The following PCNX1 variants were observed in gnomAD, a reference collection of about 807,000 sequenced individuals.
PCNX1 encodes the protein pecanex-like protein 1.
Under a neutral mutation model 242.2 loss-of-function variants are expected in PCNX1, and 78 were observed. The ratio of observed to expected loss-of-function variants is 0.32; its 90% CI spans 0.27 to 0.39. The LOEUF is 0.39. Ranked by LOEUF, PCNX1 falls within the 10% of genes least tolerant of loss-of-function variation. PCNX1 has a pLI of 1.00. For synonymous variants in PCNX1, 1,024 were observed against 1,032.9 expected (o/e 0.99, Z 0.17); for missense variants, 2,581 against 2,856.5 (o/e 0.90, Z 2.20).
intron 2 of PCNX1, among the ~76,000 whole-genome samples, chr14:70,948,860 C>CAT (rs1252208615): frequency 6.9e-6 from 1 of 145,632 alleles, no homozygotes; most frequent in Non-Finnish European, 1.5e-5. Context: ...TGTATATATA[C>CAT]ACATATGTAT....
intron 1 of PCNX1, among the ~76,000 whole-genome samples, chr14:70,939,294 C>T (rs2057137168): frequency 6.6e-6 from 1 of 152,212 alleles, no homozygotes; most frequent in Non-Finnish European, 1.5e-5. Flanking sequence ...CCTCTACACA[C>T]TGCTTTAAAT....
chr14:71,075,344 TG>T (rs1224479751), intron 27 of PCNX1, among the ~76,000 whole-genome samples: 1 of 152,102 alleles, frequency 6.6e-6, no homozygotes, highest in Non-Finnish European at 1.5e-5. Flanking sequence ...ATTTGCTGAT[TG>T]GGATGAACGC....
At chr14:71,054,905 G>T (rs1262049464) in intron 24 of PCNX1, among the ~76,000 whole-genome samples, 1 of 152,132 alleles carries the variant, frequency 6.6e-6, no homozygotes, top group Non-Finnish European at 1.5e-5. Flanking sequence ...GGCAGCGAAG[G>T]GTAGAACAGT....
chr14:71,004,953 G>A (rs372916263), intron 8 of PCNX1, among the ~76,000 whole-genome samples: 1 of 151,914 alleles, frequency 6.6e-6, no homozygotes, highest in African/African-American at 2.4e-5. Context: ...TGTTTTTATA[G>A]CCCCTCTCTG....
chr14:71,102,200 C>T lies in PCNX1; in HGVS notation c.5800C>T (p.Leu1934=). ...YKIIMLNRRY[L]SFRVIKVNKE... is the part of the protein sequence containing the mutation. ...AATCATCATGCTCAACAGACGCTACCTGAGCTTCAGGGTCATTAAAGTAAG... is the reference window on the plus strand; with the variant it reads ...AATCATCATGCTCAACAGACGCTACTTGAGCTTCAGGGTCATTAAAGTAAG... Residue 1934 remains leucine, a synonymous_variant, in exon 31 of 36, where the codon CTG becomes TTG. Coordinates refer to ENST00000304743, the MANE Select transcript of PCNX1 (RefSeq NM_014982.3). 1 of 1,611,264 alleles carries T rather than the reference C, an allele frequency of 6.2e-7. No individual in the cohort carries two copies.
At chr14:70,958,849 A>C (rs1368579476) in intron 2 of PCNX1, among the ~76,000 whole-genome samples, 18 of 145,968 alleles carry the variant, frequency 1.2e-4, no homozygotes, top group Admixed American at 1.2e-3. Flanking sequence ...TTACCCAAAA[A>C]CCTATGAGAG....
intron 1 of PCNX1, among the ~76,000 whole-genome samples, chr14:70,921,866 G>T (rs1210547205): frequency 6.6e-6 from 1 of 152,072 alleles, no homozygotes; most frequent in African/African-American, 2.4e-5. Flanking sequence ...CAAACATTAT[G>T]ACACATCACC....
rs758411631 is a variant in PCNX1 at position 70,978,146 on chromosome 14, T to TTTTA, written c.1809_1810insTTTA (p.Asp604PhefsTer5). The TTTTA allele has an allele frequency of 6.2e-7, 1 of 1,614,168 alleles. No homozygotes were observed. Among genetic ancestry groups the TTTTA allele is most frequent in the Admixed American group, 1.7e-5 (1 of 60,024 alleles). ...TATTTTGTCATGACGAAGACTCTAG[T>TTTTA]GATCAGAGTGACTTGAGTAGAGCAT... On this transcript the variant is annotated frameshift_variant, in exon 6 of 36. Transcript: ENST00000304743. LOFTEE classifies it high-confidence loss of function.
chr14:71,080,798 G>C (rs192764638), intron 28 of PCNX1, among the ~76,000 whole-genome samples: 2 of 152,086 alleles, frequency 1.3e-5, no homozygotes, highest in African/African-American at 4.8e-5. Flanking sequence ...TAAATATACA[G>C]TCATGTCATC....
At chr14:70,946,664 C>A (rs2057468464) in intron 1 of PCNX1, among the ~76,000 whole-genome samples, 1 of 152,148 alleles carries the variant, frequency 6.6e-6, no homozygotes, top group South Asian at 2.1e-4. Flanking sequence ...TATATTGAAT[C>A]TTTGAAATGC....
chr14:71,003,812 C>A (rs551082708), intron 8 of PCNX1, among the ~76,000 whole-genome samples: 1 of 152,316 alleles, frequency 6.6e-6, no homozygotes, highest in Admixed American at 6.5e-5. Context: ...ATCTGTCTTT[C>A]CTTACCAGTC....
At chr14:71,035,980 C>T in intron 18 of PCNX1, 85 bp from the exon 19 acceptor site, 10 of 872,000 alleles carry the variant, frequency 1.1e-5, no homozygotes, top group South Asian at 1.7e-5. Context: ...AAAATTAATT[C>T]TTAAACTTTG....
intron 26 of PCNX1, among the ~76,000 whole-genome samples, chr14:71,067,837 A>G (rs1341556341): frequency 2.0e-5 from 3 of 151,666 alleles, no homozygotes; most frequent in African/African-American, 4.8e-5. Context: ...AAGCACTTAT[A>G]TATTTCTGCC....
rs1396761545 is a variant in PCNX1 at position 71,076,303 on chromosome 14, A to G, written c.5221A>G (p.Thr1741Ala). 5.6e-6 allele frequency: 9 copies of G among 1,613,872 alleles called. No homozygotes were observed. The Admixed American group carries it at 1.5e-4, about 27-fold the overall frequency. The change falls in exon 28 of 36, where the codon ACC becomes GCC. Residue 1741 changes from threonine to alanine, a missense_variant. Coordinates refer to ENST00000304743, the MANE Select transcript of PCNX1 (RefSeq NM_014982.3). Reference sequence around the variant, plus strand: ...TCGCAATTATGTCGATGTGGACCCGACCTTTAATCCAAACATTGATGAAGA... The same window carrying G: ...TCGCAATTATGTCGATGTGGACCCGGCCTTTAATCCAAACATTGATGAAGA... ...ADRNYVDVDP[T>A]FNPNIDEDYD...
chr14:71,014,378 G>A (rs1163275203), intron 11 of PCNX1, among the ~76,000 whole-genome samples: 1 of 152,192 alleles, frequency 6.6e-6, no homozygotes, highest in African/African-American at 2.4e-5. Flanking sequence ...ATGACCAAGT[G>A]TGCAAAGAAG....
intron 5 of PCNX1, among the ~76,000 whole-genome samples, chr14:70,972,222 A>G (rs1412695736): frequency 1.4e-5 from 2 of 147,588 alleles, no homozygotes; most frequent in Non-Finnish European, 3.0e-5. Context: ...GCCAACTGAA[A>G]GGGGAAAGAC....
rs201636360 is a variant in PCNX1, at chr14:70,968,950, C to CT, written c.515-70dup. 3.5e-3 allele frequency: 2,926 copies of CT among 838,374 alleles called. 62 individuals carry two copies. In the African/African-American group the frequency reaches 0.042, roughly 12 times the overall value. 51.9% of individuals were successfully genotyped at this position (838,374 alleles called of 1,614,324 possible). A position where few individuals can be genotyped will look rare whatever the true frequency, so the allele number is the denominator to read the frequency against. ...ATTAGTACTCCTTGATGTATTAATACTCCTTGGTTATGCCACCCTACAGCC... is the reference window on the plus strand; with the variant it reads ...ATTAGTACTCCTTGATGTATTAATACTTCCTTGGTTATGCCACCCTACAGCC... On this transcript the variant is annotated intron_variant, in intron 4 of 35. Transcript: ENST00000304743.
intron 27 of PCNX1, 123 bp from the exon 28 acceptor site, chr14:71,076,066 A>T: frequency 3.2e-6 from 2 of 624,020 alleles, no homozygotes; most frequent in Non-Finnish European, 5.6e-6. Flanking sequence ...CTTTTTAGTC[A>T]GACTAAAAAG....
chr14:71,028,459 AT>A (rs1222781971), intron 15 of PCNX1, among the ~76,000 whole-genome samples: 1 of 151,974 alleles, frequency 6.6e-6, no homozygotes, highest in Non-Finnish European at 1.5e-5. Flanking sequence ...CTACATATAA[AT>A]GTTTATTGCT....
Sources: gnomAD v4.1 joint callset for allele counts (sites outside exome capture counted in the v4.1 genomes callset) on GRCh38, gnomAD v4.1.1 for gene constraint, MANE v1.5 for transcripts, NCBI Gene and HGNC (gene_info 2026-07-23, HGNC 2026-07-21) for gene names.